Variants in MSR1 observed in about 807,000 individuals in gnomAD.
The protein encoded by MSR1 is macrophage scavenger receptor types I and II.
Under a neutral mutation model 47.2 loss-of-function variants are expected in MSR1, and 53 were observed. The observed-to-expected ratio is 1.12, with a 90% CI of 0.90 to 1.41. MSR1 has a LOEUF of 1.41. Ranked by LOEUF, MSR1 falls within the 40% of genes most tolerant of loss-of-function variation. MSR1 has a pLI of 0.00. For missense variants in MSR1, 786 were observed against 546.9 expected, an observed-to-expected ratio of 1.44 and a Z score of -4.36; for synonymous variants, 239 against 185.6, an observed-to-expected ratio of 1.29 and a Z score of -2.34.
intron 8 of MSR1, chr8:16,140,010 C>A (rs949949030): frequency 3.0e-5 from 20 of 669,986 alleles, no homozygotes; most frequent in Non-Finnish European, 3.3e-5. Flanking sequence ...ACAATTAGCT[C>A]TGTAAAACCA....
chr8:16,163,783 A>C (rs1801226138), intron 5 of MSR1, among the ~76,000 whole-genome samples: 1 of 151,852 alleles, frequency 6.6e-6, no homozygotes, highest in Non-Finnish European at 1.5e-5. Context: ...AATTACAAAA[A>C]ACTTGTATTC....
intron 1 of MSR1, among the ~76,000 whole-genome samples, chr8:16,179,955 T>G (rs1012825691): frequency 2.3e-4 from 35 of 151,836 alleles, no homozygotes; most frequent in African/African-American, 8.5e-4. Context: ...CTGACTCTGT[T>G]TCCCAGGCTG....
intron 5 of MSR1, among the ~76,000 whole-genome samples, chr8:16,159,530 T>C (rs1801104192): frequency 6.6e-6 from 1 of 151,988 alleles, no homozygotes; most frequent in Non-Finnish European, 1.5e-5. Context: ...GAACACAAAG[T>C]AATTACACTA....
rs1009025158 is a variant in MSR1, at chr8:16,146,277, A to G, written c.980-2666T>C. On this transcript the variant is annotated intron_variant, in intron 7 of 9. Transcript: ENST00000262101. Reference sequence around the variant, plus strand: ...TATAACCACTCATTAACCTTACACTATCTTTTTTGCTTTGCTTTCCTCTGT... The same window carrying G: ...TATAACCACTCATTAACCTTACACTGTCTTTTTTGCTTTGCTTTCCTCTGT... 1.4e-4 allele frequency among the ~76,000 whole-genome samples: 21 copies of G among 151,734 alleles called. 1 individual carries two copies. The highest frequency in any genetic ancestry group is 1.4e-3 in the Admixed American group (21 of 15,202).
At chr8:16,125,415 AT>A (rs1378023360) in intron 8 of MSR1, among the ~76,000 whole-genome samples, 8 of 151,958 alleles carry the variant, frequency 5.3e-5, no homozygotes, top group Admixed American at 1.3e-4. Flanking sequence ...TCGTTAACAC[AT>A]TTTTCTTTAT....
intron 8 of MSR1, among the ~76,000 whole-genome samples, chr8:16,129,556 G>T (rs536104008): frequency 1.8e-3 from 271 of 152,066 alleles, no homozygotes; most frequent in African/African-American, 6.1e-3. Context: ...GACCAGCCTG[G>T]GCAAGACAGC....
At chr8:16,179,538 T>C (rs1356327809) in intron 1 of MSR1, among the ~76,000 whole-genome samples, 1 of 152,198 alleles carries the variant, frequency 6.6e-6, no homozygotes, top group South Asian at 2.1e-4. Context: ...TTAGGACAAA[T>C]AGTTTTGCAT....
intron 9 of MSR1, among the ~76,000 whole-genome samples, chr8:16,118,369 T>C (rs1021277257): frequency 6.6e-6 from 1 of 152,200 alleles, no homozygotes; most frequent in Non-Finnish European, 1.5e-5. Flanking sequence ...TATACAATTA[T>C]GTATTTTAAA....
intron 6 of MSR1, among the ~76,000 whole-genome samples, chr8:16,154,152 GC>G (rs1800936629): frequency 6.6e-6 from 1 of 151,740 alleles, no homozygotes; most frequent in African/African-American, 2.4e-5. Context: ...TGTGACCAGG[GC>G]TAGTCAATAC....
intron 8 of MSR1, chr8:16,139,240 T>C (rs1414882389): frequency 2.0e-6 from 2 of 981,796 alleles, no homozygotes; most frequent in Admixed American, 6.2e-5. Context: ...CCTATTCTGA[T>C]TACAGATTAA....
intron 3 of MSR1, among the ~76,000 whole-genome samples, chr8:16,169,272 T>C (rs556775893): frequency 6.6e-6 from 1 of 152,320 alleles, no homozygotes; most frequent in South Asian, 2.1e-4. Context: ...GCATGTTGAA[T>C]ATGTTAACAA....
intron 1 of MSR1, among the ~76,000 whole-genome samples, chr8:16,188,298 T>C (rs904710180): frequency 1.3e-5 from 2 of 152,030 alleles, no homozygotes; most frequent in East Asian, 1.9e-4. Flanking sequence ...ATTATAGATA[T>C]GTTAGGATGA....
intron 8 of MSR1, among the ~76,000 whole-genome samples, chr8:16,138,610 C>A (rs911266995): frequency 2.0e-5 from 3 of 152,108 alleles, no homozygotes; most frequent in Non-Finnish European, 4.4e-5. Context: ...TGTCTCCCAG[C>A]ATCTCTGGGA....
intron 8 of MSR1, among the ~76,000 whole-genome samples, chr8:16,139,028 T>C (rs1800460436): frequency 6.6e-6 from 1 of 152,222 alleles, no homozygotes. Context: ...TGACACCTTC[T>C]GCCCTCCGGC....
chr8:16,121,957 T>C (rs941994334), intron 8 of MSR1, among the ~76,000 whole-genome samples: 4 of 152,010 alleles, frequency 2.6e-5, no homozygotes, highest in Non-Finnish European at 4.4e-5. Flanking sequence ...ATTACTGTTT[T>C]AACAGTAATT....
At chr8:16,128,810 T>A (rs1226466751) in intron 8 of MSR1, among the ~76,000 whole-genome samples, 2 of 151,622 alleles carry the variant, frequency 1.3e-5, no homozygotes, top group Admixed American at 1.3e-4. Context: ...AAACACCTAC[T>A]TTAAAAGCTG....
chr8:16,110,612 G>T lies in MSR1; in HGVS notation c.1223-394C>A, dbSNP rs371214529. ...GATCCAAGCGTATCTGTATGTCAAA[G>T]GGTCTTGGGGTATATTTGCACATAA... On this transcript the variant is annotated intron_variant, in intron 9 of 9. Coordinates refer to ENST00000262101, the MANE Select transcript of MSR1 (RefSeq NM_138715.3). 4.6e-5 allele frequency among the ~76,000 whole-genome samples: 7 copies of T among 152,214 alleles called. No individual in the cohort carries two copies. The East Asian group carries it at 1.3e-3, about 29-fold the overall frequency.
intron 7 of MSR1, among the ~76,000 whole-genome samples, chr8:16,147,824 T>A (rs1432476353): frequency 2.0e-5 from 3 of 152,146 alleles, no homozygotes; most frequent in Non-Finnish European, 4.4e-5. Context: ...ACCTCTGCCG[T>A]TGTTTTTCTT....
rs141771736 is a variant in MSR1 at position 16,132,430 on chromosome 8, G to A, written c.1033+11128C>T. On this transcript the variant is annotated intron_variant, in intron 8 of 9. Coordinates refer to ENST00000262101, the MANE Select transcript of MSR1 (RefSeq NM_138715.3). ...TTCTAGATATAGAATCATGTTGTCTGCAAACAGATAGTTTGACTTTTTCTC... is the reference window on the plus strand; with the variant it reads ...TTCTAGATATAGAATCATGTTGTCTACAAACAGATAGTTTGACTTTTTCTC... Among the ~76,000 whole-genome samples the A allele has an allele frequency of 5.2e-3, 794 of 152,150 alleles. 9 individuals carry two copies. Among genetic ancestry groups the A allele is most frequent in the African/African-American group, 0.018 (766 of 41,520 alleles).
Sources: allele counts gnomAD v4.1 joint callset (sites outside exome capture counted in the v4.1 genomes callset), GRCh38; gene constraint gnomAD v4.1.1; transcripts MANE v1.5; gene names NCBI Gene and HGNC (gene_info 2026-07-23, HGNC 2026-07-21).